PDE8B: variants seen among roughly 807,000 people sequenced by gnomAD.
PDE8B encodes phosphodiesterase 8B.
Under a neutral mutation model 101.3 loss-of-function variants are expected in PDE8B, and 26 were observed. The ratio of observed to expected loss-of-function variants is 0.26; its 90% CI spans 0.19 to 0.36. The LOEUF (loss-of-function observed/expected upper bound fraction) is 0.36. Among genes scored for constraint, PDE8B ranks in the 10% least tolerant of loss-of-function variants. The pLI, the probability that PDE8B is intolerant of heterozygous loss-of-function variation, is 1.00. For synonymous variants in PDE8B, 424 were observed against 429.3 expected (o/e 0.99, Z 0.15); for missense variants, 810 against 1,163.1 (o/e 0.70, Z 4.42).
At chr5:77,144,010 G>A in the PDE8B span, 1 of 152,094 alleles carries the variant, frequency 6.6e-6, no homozygotes, top group Non-Finnish European at 1.5e-5. Flanking sequence ...TACATGGAGG[G>A]TAAAGCAAAC....
At chr5:77,349,587 C>A in intron 8 of PDE8B, 28 bp downstream of exon 8, 3 of 1,613,434 alleles carry the variant, frequency 1.9e-6, no homozygotes, top group Non-Finnish European at 2.5e-6. Flanking sequence ...AACCAATCCA[C>A]GAACCCTCTC....
the PDE8B span, chr5:77,147,111 A>G: frequency 2.7e-6 from 1 of 363,724 alleles, no homozygotes. Flanking sequence ...GGCTAAAAAA[A>G]GCAAAAAAAG....
the PDE8B span, among the ~76,000 whole-genome samples, chr5:77,181,396 C>G: frequency 6.6e-6 from 1 of 152,262 alleles, no homozygotes; most frequent in East Asian, 1.9e-4. Flanking sequence ...TCAGAGTGTC[C>G]TCTGAAACGC....
chr5:77,094,542 G>T, the PDE8B span, among the ~76,000 whole-genome samples: 2 of 152,186 alleles, frequency 1.3e-5, no homozygotes, highest in Non-Finnish European at 2.9e-5. Flanking sequence ...CTGGGCTCAA[G>T]TGATCCTCTC....
At chr5:77,315,583 T>G (rs1773630108) in intron 2 of PDE8B, among the ~76,000 whole-genome samples, 1 of 152,250 alleles carries the variant, frequency 6.6e-6, no homozygotes, top group African/African-American at 2.4e-5. Context: ...TTACATGAAT[T>G]ACTTCAATTT....
intron 10 of PDE8B, among the ~76,000 whole-genome samples, chr5:77,383,772 T>C (rs1163552411): frequency 6.6e-6 from 1 of 152,206 alleles, no homozygotes. Context: ...GTCAGGTTTG[T>C]CAAAGATCAG....
Position 77,314,986 on chromosome 5 carries a change from C to T in PDE8B, c.399+2933C>T, listed in dbSNP as rs115119958. Among the ~76,000 whole-genome samples, 797 of 152,034 alleles carry T rather than the reference C, an allele frequency of 5.2e-3. 8 individuals carry two copies. The highest frequency in any genetic ancestry group is 0.019 in the African/African-American group (771 of 41,514). Reference sequence around the variant, plus strand: ...CATTCCTCTATTTTCTTTTGTGAAGCGTTTGGTCAAGTCTTCTCCTCATTT... The same window carrying T: ...CATTCCTCTATTTTCTTTTGTGAAGTGTTTGGTCAAGTCTTCTCCTCATTT... On this transcript the variant is annotated intron_variant, in intron 2 of 21. Coordinates refer to ENST00000264917, the MANE Select transcript of PDE8B (RefSeq NM_003719.5).
chr5:77,353,506 G>C, intron 10 of PDE8B, 100 bp downstream of exon 10: 1 of 798,440 alleles, frequency 1.3e-6, no homozygotes, highest in South Asian at 1.4e-5. Context: ...CTTTCTCCAT[G>C]TCTAATTGTA....
At chr5:77,133,832 G>A in the PDE8B span, among the ~76,000 whole-genome samples, 71 of 152,320 alleles carry the variant, frequency 4.7e-4, no homozygotes, top group Non-Finnish European at 9.1e-4. Flanking sequence ...AATGCAGGGA[G>A]CCCAAGAATT....
intron 10 of PDE8B, among the ~76,000 whole-genome samples, chr5:77,388,328 C>T (rs1433795462): frequency 6.6e-6 from 1 of 152,172 alleles, no homozygotes; most frequent in African/African-American, 2.4e-5. Context: ...TAACAGGCCC[C>T]TCTGCTACAG....
the PDE8B span, chr5:77,180,368 G>T: frequency 1.2e-6 from 1 of 852,544 alleles, no homozygotes; most frequent in South Asian, 5.3e-5. Flanking sequence ...GGTGCAGGGT[G>T]CGCCAGGCCG....
chr5:77,291,726 C>G (rs1767390415), intron 1 of PDE8B: 9 of 1,592,654 alleles, frequency 5.7e-6, no homozygotes, highest in Non-Finnish European at 7.7e-6. Context: ...TGCCTGGAAA[C>G]AGTACATGAG....
At chr5:77,268,060 C>T (rs1370520761) in intron 1 of PDE8B, among the ~76,000 whole-genome samples, 1 of 151,796 alleles carries the variant, frequency 6.6e-6, no homozygotes, top group East Asian at 1.9e-4. Flanking sequence ...GAAAACCAAA[C>T]CTGATGAAAG....
intron 16 of PDE8B, 90 bp from the exon 17 acceptor site, chr5:77,413,021 A>G (rs1263753797): frequency 9.5e-7 from 1 of 1,052,198 alleles, no homozygotes; most frequent in Non-Finnish European, 1.5e-6. Flanking sequence ...TCATCAGAAG[A>G]AAAATGCTTC....
chr5:77,254,087 G>A (rs1173178794), intron 1 of PDE8B, among the ~76,000 whole-genome samples: 2 of 151,936 alleles, frequency 1.3e-5, no homozygotes, highest in Admixed American at 6.6e-5. Flanking sequence ...TTGTATCCTT[G>A]CTTGAAAAAT....
At chr5:77,415,094 G>A (rs897566886) in intron 17 of PDE8B, among the ~76,000 whole-genome samples, 1 of 152,144 alleles carries the variant, frequency 6.6e-6, no homozygotes, top group Non-Finnish European at 1.5e-5. Flanking sequence ...TTCTCATGCT[G>A]GCAGCCCCTG....
At chr5:77,345,358 C>T (rs1310406408) in intron 7 of PDE8B, among the ~76,000 whole-genome samples, 1 of 152,126 alleles carries the variant, frequency 6.6e-6, no homozygotes, top group East Asian at 1.9e-4. Context: ...TTGGGTTTTA[C>T]CATGTTGGCC....
chr5:77,102,040 A>G, the PDE8B span, among the ~76,000 whole-genome samples: 3 of 152,262 alleles, frequency 2.0e-5, no homozygotes, highest in South Asian at 2.1e-4. Flanking sequence ...TTGCCACAAT[A>G]AAGTTTAAAT....
intron 1 of PDE8B, among the ~76,000 whole-genome samples, chr5:77,244,338 C>G (rs1756427481): frequency 6.6e-6 from 1 of 152,110 alleles, no homozygotes; most frequent in South Asian, 2.1e-4. Flanking sequence ...GGGTTCATGG[C>G]AGGGCTGCAG....
Sources: gnomAD v4.1 joint callset for allele counts (sites outside exome capture counted in the v4.1 genomes callset) on GRCh38, gnomAD v4.1.1 for gene constraint, MANE v1.5 for transcripts, NCBI Gene and HGNC (gene_info 2026-07-23, HGNC 2026-07-21) for gene names.